IFNGR1: variants seen among roughly 807,000 people sequenced by gnomAD.
The protein encoded by IFNGR1 is AVP, type 2.
In IFNGR1, 23 loss-of-function variants were observed where a neutral mutation model predicts 35.4. The ratio of observed to expected loss-of-function variants is 0.65; its 90% CI spans 0.47 to 0.92. The LOEUF (loss-of-function observed/expected upper bound fraction) is 0.92. Among genes scored for constraint, IFNGR1 ranks in the 40% least tolerant of loss-of-function variants. The probability of loss-of-function intolerance (pLI) is 0.00; values close to 1 mark genes in which losing one functional copy is unlikely to be tolerated. For synonymous variants in IFNGR1, 199 were observed against 209.5 expected, an observed-to-expected ratio of 0.95 and a Z score of 0.43; for missense variants, 533 against 583.4, an observed-to-expected ratio of 0.91 and a Z score of 0.89.
chr6:137,213,379 T>C (rs1179117147), intron 1 of IFNGR1, among the ~76,000 whole-genome samples: 1 of 152,242 alleles, frequency 6.6e-6, no homozygotes, highest in Non-Finnish European at 1.5e-5. Flanking sequence ...TACATCTGCA[T>C]ACTATCCGGA....
At chr6:137,201,985 T>C (rs549614814) in intron 5 of IFNGR1, among the ~76,000 whole-genome samples, 74 of 152,340 alleles carry the variant, frequency 4.9e-4, no homozygotes, top group Middle Eastern at 6.8e-3. Context: ...GTATTTTTTT[T>C]TTTTCATAGT....
intron 6 of IFNGR1, among the ~76,000 whole-genome samples, chr6:137,199,165 C>T (rs1442746551): frequency 6.6e-6 from 1 of 151,216 alleles, no homozygotes. Context: ...CTGAATTCTT[C>T]AAGTTTGGAG....
chr6:137,209,378 G>C (rs1779522238), intron 1 of IFNGR1, among the ~76,000 whole-genome samples: 1 of 151,890 alleles, frequency 6.6e-6, no homozygotes. Context: ...AATATGGTTT[G>C]GTTGTGTGTC....
chr6:137,198,266 AAACCATTTCTGGAGTGATCACTCTCAG>A lies in IFNGR1; in HGVS notation c.1208_1234del (p.Ser403_Gly411del). On this transcript the variant is annotated inframe_deletion, in exon 7 of 7. Transcript: ENST00000367739. ...TTCCAGACAGCTGGAATCAGTATCAAAACCATTTCTGGAGTGATCACTCTCAGAACAATTTCTGGAGTGATACGAGTT... is the reference window on the plus strand; with the variant it reads ...TTCCAGACAGCTGGAATCAGTATCAAAACAATTTCTGGAGTGATACGAGTT... The A allele has an allele frequency of 6.2e-7, 1 of 1,613,362 alleles. No homozygotes were observed. The highest frequency in any genetic ancestry group is 8.5e-7 in the Non-Finnish European group (1 of 1,179,942).
chr6:137,213,149 G>C (rs189711421), intron 1 of IFNGR1, among the ~76,000 whole-genome samples: 1 of 152,020 alleles, frequency 6.6e-6, no homozygotes, highest in Non-Finnish European at 1.5e-5. Context: ...ATTAATTAAG[G>C]CTTACAATTA....
intron 1 of IFNGR1, among the ~76,000 whole-genome samples, chr6:137,212,140 A>G (rs1779589290): frequency 6.6e-6 from 1 of 152,144 alleles, no homozygotes; most frequent in Non-Finnish European, 1.5e-5. Flanking sequence ...CTCCTCAGAC[A>G]TTCTCTACTT....
rs121913173 is a variant in IFNGR1 at position 137,219,225 on chromosome 6, T to G, written c.85+18A>C. ...TCTCGTCCCGACCCGGCCGCAGCCC[T>G]GCCGCGAACGACGGTACCTGAGGAC... On this transcript the variant is annotated intron_variant, in intron 1 of 6. Coordinates refer to ENST00000367739, the MANE Select transcript of IFNGR1 (RefSeq NM_000416.3). 2.5e-6 allele frequency: 4 copies of G among 1,600,516 alleles called. No individual in the cohort carries two copies. Among genetic ancestry groups the G allele is most frequent in the Non-Finnish European group, 3.4e-6 (4 of 1,174,596 alleles).
Position 137,198,581 on chromosome 6 carries a change from A to G in IFNGR1, c.920T>C (p.Leu307Pro). The G allele has an allele frequency of 6.2e-7, 1 of 1,613,920 alleles. No homozygotes were observed. Among genetic ancestry groups the G allele is most frequent in the Non-Finnish European group, 8.5e-7 (1 of 1,179,908 alleles). Residue 307 changes from leucine (L) to proline (P), a missense_variant, in exon 7 of 7, where the codon CTC becomes CCC. By Grantham distance (98) the Leu-to-Pro change is moderately conservative. Transcript: ENST00000367739. ...GGAAAATGGCTGGTATGACGTGATG[A>G]GTGATACATATTTTGATTCAGGTTT... The part of the protein sequence containing the change: ...ETKPESKYVS[L>P]ITSYQPFSLE...
chr6:137,206,448 G>C (rs1779431448), intron 2 of IFNGR1, 140 bp from the exon 3 acceptor site: 2 of 640,570 alleles, frequency 3.1e-6, no homozygotes, highest in East Asian at 5.5e-5. Context: ...AGACGCCAGA[G>C]AAAGTAGGAA....
intron 1 of IFNGR1, among the ~76,000 whole-genome samples, chr6:137,215,728 G>A (rs1240154687): frequency 1.3e-5 from 2 of 151,916 alleles, no homozygotes; most frequent in East Asian, 1.9e-4. Context: ...ACACAAACAC[G>A]AGAGACAGAG....
intron 1 of IFNGR1, chr6:137,218,556 TA>T: frequency 2.3e-6 from 3 of 1,279,906 alleles, no homozygotes; most frequent in Non-Finnish European, 3.1e-6. Flanking sequence ...GCTGGCGACA[TA>T]ATGCATACTT....
Position 137,197,712 on chromosome 6 carries a change from T to A in IFNGR1, c.*319A>T, listed in dbSNP as rs1200384457. 3.9e-6 allele frequency: 1 copy of A among 255,100 alleles called. No individual in the cohort carries two copies. The highest frequency in any genetic ancestry group is 2.3e-5 in the African/African-American group (1 of 43,928). The allele number at this position is 255,100 out of a possible 1,614,324, so 15.8% of individuals were successfully genotyped here. On this transcript the variant is annotated 3_prime_UTR_variant, in exon 7 of 7. Transcript: ENST00000367739. ...GAGAAAAGAAAAAAAGTGAAGTGGC[T>A]ACAAAGGTCCCTGGGGCATCACCTG...
chr6:137,211,199 C>G (rs1779565419), intron 1 of IFNGR1, among the ~76,000 whole-genome samples: 1 of 151,744 alleles, frequency 6.6e-6, no homozygotes, highest in Non-Finnish European at 1.5e-5. Flanking sequence ...ACAGCCTCCA[C>G]AACAAAAAAT....
At chr6:137,202,958 A>C (rs1779321305) in intron 5 of IFNGR1, among the ~76,000 whole-genome samples, 1 of 151,348 alleles carries the variant, frequency 6.6e-6, no homozygotes, top group Non-Finnish European at 1.5e-5. Flanking sequence ...CTACCTCCCC[A>C]CCCCCCACAT....
chr6:137,203,261 T>G (rs570043518), intron 5 of IFNGR1, among the ~76,000 whole-genome samples: 2 of 152,340 alleles, frequency 1.3e-5, no homozygotes, highest in South Asian at 2.1e-4. Context: ...ATTATATATT[T>G]TTTCTTTCCT....
intron 3 of IFNGR1, among the ~76,000 whole-genome samples, chr6:137,205,777 T>C (rs988096075): frequency 3.3e-5 from 5 of 152,188 alleles, no homozygotes; most frequent in Non-Finnish European, 5.9e-5. Flanking sequence ...AGGATACAGG[T>C]TGAGTATCCC....
intron 1 of IFNGR1, among the ~76,000 whole-genome samples, chr6:137,212,869 T>C (rs574347909): frequency 4.6e-5 from 7 of 152,266 alleles, no homozygotes; most frequent in African/African-American, 1.4e-4. Flanking sequence ...AGACAGGTGG[T>C]AGGAGGAAAA....
chr6:137,200,269 T>C (rs1387476883), intron 6 of IFNGR1, among the ~76,000 whole-genome samples: 1 of 152,232 alleles, frequency 6.6e-6, no homozygotes, highest in South Asian at 2.1e-4. Flanking sequence ...TTGACTCAAA[T>C]AGATACTATT....
chr6:137,206,495 TTACAG>T (rs756264897), intron 2 of IFNGR1, 187 bp from the exon 3 acceptor site: 11 of 567,104 alleles, frequency 1.9e-5, no homozygotes, highest in Non-Finnish European at 3.1e-5. Flanking sequence ...ACAAACTCTG[TTACAG>T]TAAAGAGGCT....
Sources: gnomAD v4.1 joint callset for allele counts (sites outside exome capture counted in the v4.1 genomes callset) on GRCh38, gnomAD v4.1.1 for gene constraint, MANE v1.5 for transcripts, NCBI Gene and HGNC (gene_info 2026-07-23, HGNC 2026-07-21) for gene names.